The following SPMIP2 variants were observed in gnomAD, a reference collection of about 807,000 sequenced individuals.
SPMIP2 encodes the protein protein SPMIP2.
the SPMIP2 span, among the ~76,000 whole-genome samples, chr4:158,947,433 C>G: frequency 6.6e-6 from 1 of 152,158 alleles, no homozygotes; most frequent in Admixed American, 6.5e-5. Flanking sequence ...CACCTTACAC[C>G]TTTCTGAATA....
At chr4:159,074,804 C>G in the SPMIP2 span, among the ~76,000 whole-genome samples, 1 of 152,104 alleles carries the variant, frequency 6.6e-6, no homozygotes, top group Non-Finnish European at 1.5e-5. Context: ...GAATTTGTAT[C>G]AACCAGAGAC....
chr4:158,898,817 A>G, the SPMIP2 span, among the ~76,000 whole-genome samples: 6 of 152,308 alleles, frequency 3.9e-5, no homozygotes, highest in Admixed American at 3.9e-4. Flanking sequence ...CTATTTGAAT[A>G]CGCTTTATTT....
chr4:159,037,267 A>G, the SPMIP2 span, among the ~76,000 whole-genome samples: 1 of 152,236 alleles, frequency 6.6e-6, no homozygotes, highest in Non-Finnish European at 1.5e-5. Flanking sequence ...TCTTCTCCAT[A>G]AAATTATTCC....
chr4:159,026,278 A>G, the SPMIP2 span: 1 of 565,074 alleles, frequency 1.8e-6, no homozygotes, highest in South Asian at 1.6e-5. Context: ...AAACCTCACC[A>G]TAAAAACTCA....
the SPMIP2 span, among the ~76,000 whole-genome samples, chr4:159,054,157 T>TA: frequency 1.3e-5 from 2 of 152,112 alleles, 1 homozygote; most frequent in South Asian, 4.1e-4. Flanking sequence ...AATTTTTTTT[T>TA]ATTTTTGTAG....
chr4:159,021,933 G>A, the SPMIP2 span, among the ~76,000 whole-genome samples: 3 of 152,146 alleles, frequency 2.0e-5, no homozygotes, highest in South Asian at 2.1e-4. Context: ...AGAATCCTCC[G>A]AAAAGGAAAT....
chr4:159,017,582 G>A, the SPMIP2 span, among the ~76,000 whole-genome samples: 1 of 152,122 alleles, frequency 6.6e-6, no homozygotes, highest in South Asian at 2.1e-4. Flanking sequence ...TCTTTTTAGT[G>A]TACTCTGTAT....
chr4:158,964,264 C>T, the SPMIP2 span, among the ~76,000 whole-genome samples: 2 of 152,078 alleles, frequency 1.3e-5, no homozygotes, highest in Admixed American at 6.6e-5. Flanking sequence ...TGGCTGACAA[C>T]CAGCAAAGAA....
chr4:158,935,902 C>A, the SPMIP2 span, among the ~76,000 whole-genome samples: 1 of 152,208 alleles, frequency 6.6e-6, no homozygotes, highest in African/African-American at 2.4e-5. Context: ...GGGGCTGCTG[C>A]TGAGCTGGGT....
the SPMIP2 span, among the ~76,000 whole-genome samples, chr4:158,974,230 C>CA: frequency 4.7e-4 from 69 of 148,052 alleles, no homozygotes; most frequent in East Asian, 5.5e-3. Flanking sequence ...AAACAATGAA[C>CA]AAAAAAAAAA....
chr4:158,915,104 C>T, the SPMIP2 span: 1 of 1,371,064 alleles, frequency 7.3e-7, no homozygotes, highest in South Asian at 1.4e-5. Context: ...AGAAACCTGT[C>T]CCTGATTTAT....
At chr4:158,910,744 G>A in the SPMIP2 span, among the ~76,000 whole-genome samples, 1 of 152,176 alleles carries the variant, frequency 6.6e-6, no homozygotes, top group East Asian at 1.9e-4. Flanking sequence ...ACTGCCTTCA[G>A]GCTGGAGCTG....
the SPMIP2 span, among the ~76,000 whole-genome samples, chr4:158,964,560 A>G: frequency 6.6e-6 from 1 of 152,224 alleles, no homozygotes; most frequent in Non-Finnish European, 1.5e-5. Flanking sequence ...CTGAGGCATT[A>G]TAAAAAATGG....
the SPMIP2 span, among the ~76,000 whole-genome samples, chr4:158,933,160 C>T: frequency 2.6e-5 from 4 of 152,246 alleles, no homozygotes; most frequent in Admixed American, 2.0e-4. Context: ...CACACTACCA[C>T]GCCCTGCTAA....
the SPMIP2 span, among the ~76,000 whole-genome samples, chr4:158,923,990 G>A: frequency 2.5e-4 from 38 of 152,026 alleles, no homozygotes; most frequent in Non-Finnish European, 5.0e-4. Context: ...CATAAGGGTG[G>A]GGCCTTTATC....
the SPMIP2 span, among the ~76,000 whole-genome samples, chr4:159,006,649 A>C: frequency 6.6e-6 from 1 of 152,210 alleles, no homozygotes; most frequent in African/African-American, 2.4e-5. Flanking sequence ...AGATGATACT[A>C]AGTGGTGACA....
the SPMIP2 span, among the ~76,000 whole-genome samples, chr4:159,068,680 TAAATAAA>T: frequency 3.4e-5 from 5 of 145,696 alleles, no homozygotes; most frequent in African/African-American, 1.3e-4. Flanking sequence ...AATAAATAAA[TAAATAAA>T]AAATAAAAAA....
chr4:159,001,107 G>C, the SPMIP2 span, among the ~76,000 whole-genome samples: 1 of 152,198 alleles, frequency 6.6e-6, no homozygotes, highest in Non-Finnish European at 1.5e-5. Context: ...TGTCATTTTT[G>C]CATTCCCACT....
the SPMIP2 span, among the ~76,000 whole-genome samples, chr4:158,895,400 A>C: frequency 6.6e-6 from 1 of 152,230 alleles, no homozygotes; most frequent in Non-Finnish European, 1.5e-5. Flanking sequence ...TTTAGCTATA[A>C]AAATTATATC....
Sources: gnomAD v4.1 joint callset for allele counts (sites outside exome capture counted in the v4.1 genomes callset) on GRCh38, gnomAD v4.1.1 for gene constraint, MANE v1.5 for transcripts, NCBI Gene and HGNC (gene_info 2026-07-23, HGNC 2026-07-21) for gene names.